The following LRRC28 variants were observed in gnomAD, a reference collection of about 807,000 sequenced individuals.
LRRC28 encodes leucine-rich repeat-containing protein 28.
A neutral mutation model predicts 45.7 loss-of-function variants in LRRC28; 39 were observed. The observed-to-expected ratio is 0.85, with a 90% CI of 0.66 to 1.12. The LOEUF is 1.12. LRRC28 is among the 50% of genes most tolerant of loss of function. The pLI is 0.00. For synonymous variants in LRRC28, 206 were observed against 178.8 expected (o/e 1.15, Z -1.22); for missense variants, 435 against 438.5 (o/e 0.99, Z 0.07).
At chr15:99,311,859 T>A (rs1567651957) in intron 5 of LRRC28, among the ~76,000 whole-genome samples, 1 of 152,198 alleles carries the variant, frequency 6.6e-6, no homozygotes, top group Non-Finnish European at 1.5e-5. Context: ...ATTTCTTAAT[T>A]TCTTTTAAAA....
chr15:99,318,257 A>G (rs1955667580), intron 5 of LRRC28, among the ~76,000 whole-genome samples: 1 of 151,948 alleles, frequency 6.6e-6, no homozygotes, highest in Non-Finnish European at 1.5e-5. Flanking sequence ...GTGAACCAGA[A>G]TATCATTAGG....
chr15:99,335,977 C>G (rs145781348), intron 6 of LRRC28, among the ~76,000 whole-genome samples: 1 of 152,076 alleles, frequency 6.6e-6, no homozygotes, highest in Non-Finnish European at 1.5e-5. Context: ...CTTACTGTGG[C>G]TTGACTTTCA....
intron 5 of LRRC28, among the ~76,000 whole-genome samples, chr15:99,288,840 TG>T (rs1227466971): frequency 1.3e-5 from 2 of 152,108 alleles, no homozygotes; most frequent in Non-Finnish European, 2.9e-5. Flanking sequence ...AAGCCATGCC[TG>T]GCTAATTTTT....
chr15:99,300,931 A>C (rs1295525532), intron 5 of LRRC28, among the ~76,000 whole-genome samples: 2 of 152,234 alleles, frequency 1.3e-5, no homozygotes, highest in African/African-American at 4.8e-5. Context: ...TTTACTTGAT[A>C]TCTCTAGGAG....
chr15:99,262,647 T>C (rs2081230023), intron 2 of LRRC28, among the ~76,000 whole-genome samples: 1 of 152,150 alleles, frequency 6.6e-6, no homozygotes, highest in Admixed American at 6.5e-5. Flanking sequence ...ACCTTAAAAC[T>C]TTTTGTTTTG....
intron 5 of LRRC28, among the ~76,000 whole-genome samples, chr15:99,298,707 G>C (rs1485974527): frequency 6.6e-6 from 1 of 152,072 alleles, no homozygotes; most frequent in Non-Finnish European, 1.5e-5. Context: ...CTATTAATAA[G>C]ACTTCAGAGG....
At chr15:99,281,865 C>T (rs1212985199) in intron 3 of LRRC28, among the ~76,000 whole-genome samples, 1 of 151,644 alleles carries the variant, frequency 6.6e-6, no homozygotes, top group Admixed American at 6.6e-5. Context: ...GGCATACTTG[C>T]TCAGAACTTG....
intron 3 of LRRC28, among the ~76,000 whole-genome samples, chr15:99,286,354 A>C (rs2081959590): frequency 6.6e-6 from 1 of 152,092 alleles, no homozygotes; most frequent in Non-Finnish European, 1.5e-5. Flanking sequence ...CTGGTCGCGA[A>C]CTCCTGAGGT....
At chr15:99,384,533 C>T (rs368147149) in intron 9 of LRRC28, 1 of 152,342 alleles carries the variant, frequency 6.6e-6, no homozygotes, top group African/African-American at 2.4e-5. Flanking sequence ...TTCTGATTCT[C>T]TGTCCATGCC....
intron 4 of LRRC28, 152 bp downstream of exon 4, chr15:99,287,446 A>G: frequency 1.8e-6 from 1 of 562,784 alleles, no homozygotes; most frequent in East Asian, 3.3e-5. Flanking sequence ...TAATTAAATA[A>G]ATCTAAAATG....
At chr15:99,265,816 G>T (rs996080645) in intron 2 of LRRC28, among the ~76,000 whole-genome samples, 5 of 152,040 alleles carry the variant, frequency 3.3e-5, no homozygotes, top group Admixed American at 2.6e-4. Flanking sequence ...CAAGAAAAAA[G>T]GCCACAAGAG....
intron 9 of LRRC28, among the ~76,000 whole-genome samples, chr15:99,378,237 T>A (rs1957705013): frequency 6.6e-6 from 1 of 152,212 alleles, no homozygotes; most frequent in African/African-American, 2.4e-5. Flanking sequence ...GGTTTGTAGT[T>A]CTCCTTGAAG....
intron 8 of LRRC28, among the ~76,000 whole-genome samples, chr15:99,362,097 G>T (rs1320844787): frequency 6.6e-6 from 1 of 152,166 alleles, no homozygotes; most frequent in Non-Finnish European, 1.5e-5. Context: ...GGTATTGTGG[G>T]TGTATGTCTG....
chr15:99,319,653 A>AGT (rs1955724133), intron 5 of LRRC28, among the ~76,000 whole-genome samples: 4 of 111,672 alleles, frequency 3.6e-5, no homozygotes, highest in Admixed American at 3.3e-4. Flanking sequence ...ATGTCAAAAC[A>AGT]GTGTGGTTTT....
chr15:99,271,877 G>C (rs936988500), intron 2 of LRRC28, among the ~76,000 whole-genome samples: 4 of 152,182 alleles, frequency 2.6e-5, no homozygotes, highest in African/African-American at 9.7e-5. Flanking sequence ...GAGATTACAG[G>C]CTTGAGCCAC....
At chr15:99,310,703 A>G (rs1355594903) in intron 5 of LRRC28, among the ~76,000 whole-genome samples, 1 of 152,220 alleles carries the variant, frequency 6.6e-6, no homozygotes, top group Non-Finnish European at 1.5e-5. Flanking sequence ...CATGAAAATG[A>G]AGAAAGGAGA....
intron 9 of LRRC28, among the ~76,000 whole-genome samples, chr15:99,371,797 C>G (rs892068083): frequency 1.3e-5 from 2 of 152,218 alleles, no homozygotes; most frequent in Non-Finnish European, 1.5e-5. Flanking sequence ...TTACAACATT[C>G]AAAAATTATT....
At chr15:99,304,770 TATAG>T (rs1209180809) in intron 5 of LRRC28, among the ~76,000 whole-genome samples, 1 of 152,152 alleles carries the variant, frequency 6.6e-6, no homozygotes, top group Admixed American at 6.5e-5. Context: ...TTTATGTGTG[TATAG>T]GTAGCAATGT....
At chr15:99,292,375 T>TG (rs71149457) in intron 5 of LRRC28, among the ~76,000 whole-genome samples, 3 of 150,462 alleles carry the variant, frequency 2.0e-5, no homozygotes, top group Non-Finnish European at 4.4e-5. Context: ...TTTTTTTTTT[T>TG]GAAACGGAGT....
Sources: allele counts gnomAD v4.1 joint callset (sites outside exome capture counted in the v4.1 genomes callset), GRCh38; gene constraint gnomAD v4.1.1; transcripts MANE v1.5; gene names NCBI Gene and HGNC (gene_info 2026-07-23, HGNC 2026-07-21).